SYNE2: variants seen among roughly 807,000 people sequenced by gnomAD.
SYNE2 encodes the protein nesprin-2.
In SYNE2, 431 loss-of-function variants were observed where a neutral mutation model predicts 856.3. The observed-to-expected ratio is 0.50, with a 90% CI of 0.47 to 0.55. The LOEUF (loss-of-function observed/expected upper bound fraction) is 0.55, where lower values mean the gene tolerates loss of function less well. Ranked by LOEUF, SYNE2 falls within the 20% of genes least tolerant of loss-of-function variation. The pLI, the probability that SYNE2 is intolerant of heterozygous loss-of-function variation, is 0.00. For synonymous variants in SYNE2, 2,923 were observed against 2,872.3 expected (o/e 1.02, Z -0.56); for missense variants, 8,129 against 8,023.2 (o/e 1.01, Z -0.50).
chr14:64,210,382 C>G (rs963908224), intron 103 of SYNE2, among the ~76,000 whole-genome samples: 1 of 152,196 alleles, frequency 6.6e-6, no homozygotes, highest in African/African-American at 2.4e-5. Flanking sequence ...TTTACAACTT[C>G]TGTAACCCGT....
chr14:63,817,189 G>A (rs550202705), intron 1 of SYNE2, among the ~76,000 whole-genome samples: 2 of 152,274 alleles, frequency 1.3e-5, no homozygotes, highest in South Asian at 4.1e-4. Flanking sequence ...GCCAGGTGAG[G>A]TGATTCATGC....
chr14:64,186,564 G>A lies in SYNE2; in HGVS notation c.17697G>A (p.Glu5899=), dbSNP rs758295758. The A allele has an allele frequency of 4.3e-6, 7 of 1,614,088 alleles. No individual in the cohort carries two copies. In the South Asian group the frequency reaches 6.6e-5, roughly 15 times the overall value. Residue 5899 remains glutamate (E), a synonymous_variant, in exon 97 of 116, where the codon GAG becomes GAA. Coordinates refer to ENST00000555002, the MANE Select transcript of SYNE2 (RefSeq NM_182914.3). ...EQIEHLHRQW[E]DLCLRVAIRK... ...TAGAGCATTTGCACAGACAATGGGAGGACCTCTGCTTAAGGGTAAGTCAGC... is the reference window on the plus strand; with the variant it reads ...TAGAGCATTTGCACAGACAATGGGAAGACCTCTGCTTAAGGGTAAGTCAGC...
intron 82 of SYNE2, among the ~76,000 whole-genome samples, chr14:64,142,358 C>T (rs1490650036): frequency 6.6e-6 from 1 of 152,108 alleles, no homozygotes; most frequent in Non-Finnish European, 1.5e-5. Context: ...CCCACCACCC[C>T]CAATAACCAC....
At chr14:63,777,174 A>G (rs1887141505) in intron 1 of SYNE2, among the ~76,000 whole-genome samples, 1 of 152,224 alleles carries the variant, frequency 6.6e-6, no homozygotes, top group Non-Finnish European at 1.5e-5. Context: ...TGAGGCTTTT[A>G]ATGAGTAAGA....
intron 25 of SYNE2, among the ~76,000 whole-genome samples, 153 bp downstream of exon 25, chr14:63,997,544 T>C (rs1178118806): frequency 1.3e-5 from 2 of 152,212 alleles, no homozygotes; most frequent in Non-Finnish European, 2.9e-5. Context: ...AAAGACTGAT[T>C]TTCAAAGGAG....
At chr14:63,849,565 A>AT (rs891756420), upstream of SYNE2, among the ~76,000 whole-genome samples, 6 of 152,250 alleles carry the variant, frequency 3.9e-5, no homozygotes, top group Admixed American at 1.3e-4. Flanking sequence ...GAACCCCACA[A>AT]TTTTTTAAAA....
chr14:64,032,539 G>A (rs1430639955), intron 45 of SYNE2, among the ~76,000 whole-genome samples: 1 of 150,906 alleles, frequency 6.6e-6, no homozygotes, highest in African/African-American at 2.5e-5. Context: ...TCCACCCTCG[G>A]CGACAGAGTG....
chr14:63,930,119 C>T lies in SYNE2; in HGVS notation c.80-10495C>T, dbSNP rs2095729293. On this transcript the variant is annotated intron_variant, in intron 2 of 115. Transcript: ENST00000555002. ...GGATGACATAGGTAGAACCCTGTCT[C>T]TACAAAAAATGAAACAAGTTAGCTG... is the stretch of plus-strand genomic sequence containing the variant. 2.6e-5 allele frequency among the ~76,000 whole-genome samples: 4 copies of T among 151,884 alleles called. No individual in the cohort carries two copies. In the South Asian group the frequency reaches 8.3e-4, roughly 31 times the overall value.
intron 17 of SYNE2, 101 bp downstream of exon 17, chr14:63,982,895 A>G: frequency 8.5e-7 from 1 of 1,180,384 alleles, no homozygotes; most frequent in Non-Finnish European, 1.2e-6. Context: ...TGGTATATGC[A>G]CAGTTACGTA....
intron 6 of SYNE2, 124 bp from the exon 7 acceptor site, chr14:63,949,701 T>G (rs2096120263): frequency 2.1e-6 from 2 of 970,902 alleles, no homozygotes; most frequent in Admixed American, 3.5e-5. Context: ...CAGTATTCAT[T>G]TCACCAGGAG....
At chr14:63,832,550 T>A (rs1889709145) in intron 1 of SYNE2, among the ~76,000 whole-genome samples, 1 of 151,978 alleles carries the variant, frequency 6.6e-6, no homozygotes, top group South Asian at 2.1e-4. Flanking sequence ...TTATTTTAGG[T>A]TCAGCTGAGG....
chr14:64,030,943 C>G, intron 44 of SYNE2, 73 bp from the exon 45 acceptor site: 1 of 1,152,644 alleles, frequency 8.7e-7, no homozygotes, highest in Non-Finnish European at 1.3e-6. Flanking sequence ...CAAGAGTACT[C>G]TGTGATTTAC....
chr14:64,214,410 G>T lies in SYNE2; in HGVS notation c.19273G>T (p.Val6425Leu). 2 of 1,614,104 alleles carry T rather than the reference G, an allele frequency of 1.2e-6. No individual in the cohort carries two copies. The highest frequency in any genetic ancestry group is 1.7e-6 in the Non-Finnish European group (2 of 1,180,030). Residue 6425 changes from valine (V) to leucine (L), a missense_variant, in exon 106 of 116, where the codon GTG becomes TTG. By Grantham distance (32) the Val-to-Leu change is conservative (BLOSUM62 1). This residue lies in a region of SYNE2 where 5,410 missense variants were observed against 5,284.8 expected (regional missense o/e 1.02). Transcript: ENST00000555002. ...IPLEWDHTGD[V>L]GGSSSHEEDE... ...CCTGGAGTGGGACCACACAGGCGACGTGGGGGGCTCCTCCTCTCACGAAGA... is the reference window on the plus strand; with the variant it reads ...CCTGGAGTGGGACCACACAGGCGACTTGGGGGGCTCCTCCTCTCACGAAGA...
intron 2 of SYNE2, among the ~76,000 whole-genome samples, chr14:63,913,177 C>T (rs971862869): frequency 1.3e-5 from 2 of 152,130 alleles, no homozygotes; most frequent in African/African-American, 4.8e-5. Context: ...TCAAGTGATC[C>T]TCCTACCTCA....
At chr14:63,880,697 G>C (rs890307409) in intron 1 of SYNE2, among the ~76,000 whole-genome samples, 1 of 145,192 alleles carries the variant, frequency 6.9e-6, no homozygotes, top group Admixed American at 6.9e-5. Context: ...TTTTAAGACA[G>C]GGTCTCACTC....
At chr14:63,851,115 C>T (rs113138960), upstream of SYNE2, among the ~76,000 whole-genome samples, 15 of 152,276 alleles carry the variant, frequency 9.9e-5, 1 homozygote, top group South Asian at 4.1e-4. Flanking sequence ...GTAATCCCAG[C>T]GCTTGGGGAG....
intron 52 of SYNE2, among the ~76,000 whole-genome samples, chr14:64,072,584 C>T (rs756458383): frequency 1.7e-4 from 26 of 152,012 alleles, no homozygotes; most frequent in African/African-American, 5.6e-4. Context: ...ACTGCAAACT[C>T]GGCTTCCTGA....
intron 111 of SYNE2, 111 bp downstream of exon 111, chr14:64,220,748 GGTGT>G: frequency 7.8e-7 from 1 of 1,282,480 alleles, no homozygotes; most frequent in Non-Finnish European, 1.1e-6. Flanking sequence ...AAATGTGGCT[GGTGT>G]CAGGAAACAT....
At chr14:64,130,883 C>CAA (rs34083068) in intron 76 of SYNE2, among the ~76,000 whole-genome samples, 95 of 99,560 alleles carry the variant, frequency 9.5e-4, no homozygotes, top group Non-Finnish European at 1.2e-3. Flanking sequence ...GACTCTATCT[C>CAA]AAAAAAAAAA....
Sources: allele counts gnomAD v4.1 joint callset (sites outside exome capture counted in the v4.1 genomes callset), GRCh38; gene constraint gnomAD v4.1.1; regional missense constraint gnomAD v4.1.1; transcripts MANE v1.5; gene names NCBI Gene and HGNC (gene_info 2026-07-23, HGNC 2026-07-21).